The following CLYBL variants were observed in gnomAD, a reference collection of about 807,000 sequenced individuals.
The protein encoded by CLYBL is citramalyl-CoA lyase.
CLYBL carries 31 observed loss-of-function variants against 38.9 expected under a neutral mutation model. That is an observed-to-expected ratio of 0.80 (90% CI 0.60 to 1.08). The LOEUF is 1.08. CLYBL is among the 50% of genes least tolerant of loss of function. The probability of loss-of-function intolerance (pLI) is 0.00; values close to 1 mark genes in which losing one functional copy is unlikely to be tolerated. For synonymous variants in CLYBL, 171 were observed against 158.6 expected (o/e 1.08, Z -0.59); for missense variants, 434 against 411.6 (o/e 1.05, Z -0.47).
At chr13:99,802,331 G>A (rs2050152657) in intron 2 of CLYBL, among the ~76,000 whole-genome samples, 1 of 152,156 alleles carries the variant, frequency 6.6e-6, no homozygotes, top group African/African-American at 2.4e-5. Context: ...TTAGTCCATA[G>A]CAATCTTAAA....
intron 1 of CLYBL, among the ~76,000 whole-genome samples, chr13:99,754,185 G>A (rs1427081925): frequency 1.3e-5 from 2 of 150,764 alleles, no homozygotes; most frequent in Admixed American, 6.6e-5. Context: ...CAAAGTGGGC[G>A]GATCGTTTGA....
At chr13:99,673,977 GT>G (rs1271117941) in intron 1 of CLYBL, among the ~76,000 whole-genome samples, 1 of 151,980 alleles carries the variant, frequency 6.6e-6, no homozygotes, top group East Asian at 1.9e-4. Context: ...GACTGTCAAG[GT>G]TTTTGGTTTG....
chr13:99,630,022 C>T (rs1318043097), intron 1 of CLYBL, among the ~76,000 whole-genome samples: 4 of 152,026 alleles, frequency 2.6e-5, no homozygotes, highest in African/African-American at 9.7e-5. Context: ...CCTGCCCCAC[C>T]ATATCTGAGA....
At chr13:99,743,562 A>G (rs886789443) in intron 1 of CLYBL, among the ~76,000 whole-genome samples, 4 of 152,222 alleles carry the variant, frequency 2.6e-5, no homozygotes, top group Non-Finnish European at 5.9e-5. Context: ...TGTAGGCGCC[A>G]TAACTGGGAT....
chr13:99,816,358 T>A (rs551518320), intron 2 of CLYBL, among the ~76,000 whole-genome samples: 3 of 152,368 alleles, frequency 2.0e-5, no homozygotes, highest in East Asian at 3.9e-4. Flanking sequence ...CTATTTAGGA[T>A]GTTTTTGCTT....
rs551841322 is a variant in CLYBL, at chr13:99,639,041, T to G, written c.62+32284T>G. The stretch of plus-strand genomic sequence containing the variant: ...TGCTTTTTCACTTGAGGCTGAATTT[T>G]AGGTCTGAGTCAACTGCATTTTGAA... On this transcript the variant is annotated intron_variant, in intron 1 of 8. Transcript: ENST00000339105. 3.3e-5 allele frequency among the ~76,000 whole-genome samples: 5 copies of G among 152,354 alleles called. 1 individual carries two copies. The highest frequency in any genetic ancestry group is 1.2e-4 in the African/African-American group (5 of 41,584).
At chr13:99,885,999 G>A (rs1187211307) in intron 7 of CLYBL, among the ~76,000 whole-genome samples, 1 of 152,156 alleles carries the variant, frequency 6.6e-6, no homozygotes, top group Non-Finnish European at 1.5e-5. Flanking sequence ...GAATTCCCTG[G>A]GAACTGCTGT....
At chr13:99,752,978 G>T (rs1235118848) in intron 1 of CLYBL, among the ~76,000 whole-genome samples, 1 of 152,130 alleles carries the variant, frequency 6.6e-6, no homozygotes, top group East Asian at 1.9e-4. Context: ...AGGGAAGGGC[G>T]GGGTTCTGGA....
At chr13:99,743,500 C>T (rs1244308392) in intron 1 of CLYBL, among the ~76,000 whole-genome samples, 2 of 152,150 alleles carry the variant, frequency 1.3e-5, no homozygotes, top group African/African-American at 4.8e-5. Context: ...GTATTCTGGC[C>T]ATTCATTAGT....
chr13:99,894,428 A>G (rs899686267), downstream of CLYBL: 1 of 152,256 alleles, frequency 6.6e-6, no homozygotes, highest in African/African-American at 2.4e-5. Flanking sequence ...CCGCTTAGCC[A>G]TATCACCCCC....
intron 2 of CLYBL, among the ~76,000 whole-genome samples, chr13:99,828,237 A>G (rs2139062056): frequency 6.6e-6 from 1 of 152,330 alleles, no homozygotes; most frequent in African/African-American, 2.4e-5. Flanking sequence ...AGTTTCAGCT[A>G]AGTCAGACGG....
intron 7 of CLYBL, among the ~76,000 whole-genome samples, chr13:99,888,861 C>T (rs923971582): frequency 2.0e-5 from 3 of 152,174 alleles, no homozygotes; most frequent in African/African-American, 7.2e-5. Flanking sequence ...GACCAATAGA[C>T]TATTTTTCAT....
At chr13:99,747,278 A>C in intron 1 of CLYBL, among the ~76,000 whole-genome samples, 1 of 102,994 alleles carries the variant, frequency 9.7e-6, no homozygotes, top group African/African-American at 3.8e-5. Context: ...CTACCCTCCC[A>C]CTTTCTTATC....
At chr13:99,854,095 G>A (rs1033746737) in intron 2 of CLYBL, among the ~76,000 whole-genome samples, 1 of 152,144 alleles carries the variant, frequency 6.6e-6, no homozygotes, top group East Asian at 1.9e-4. Flanking sequence ...CATCACAAAT[G>A]TTGTGGATCT....
At position 99,622,867 on chromosome 13, in the gene CLYBL, C is replaced by T. The variant is rs115143487; in HGVS notation, c.62+16110C>T. ...CATCCAGGTTGGAGTATAGTGGCAC[C>T]GTCACCCAGGCTGGAGTGTAGTGGC... On this transcript the variant is annotated intron_variant, in intron 1 of 8. Transcript: ENST00000339105. Among the ~76,000 whole-genome samples, 933 of 152,072 alleles carry T rather than the reference C, an allele frequency of 6.1e-3. 17 individuals carry two copies. The highest frequency in any genetic ancestry group is 0.021 in the African/African-American group (879 of 41,476).
At chr13:99,899,994 T>C (rs562090080), downstream of CLYBL, among the ~76,000 whole-genome samples, 21 of 152,170 alleles carry the variant, frequency 1.4e-4, no homozygotes, top group Non-Finnish European at 2.6e-4. Flanking sequence ...TGGTGAGATA[T>C]TGGCTCACTG....
At chr13:99,696,403 G>GT (rs1491474463) in intron 1 of CLYBL, among the ~76,000 whole-genome samples, 3 of 151,668 alleles carry the variant, frequency 2.0e-5, no homozygotes, top group East Asian at 3.9e-4. Context: ...CTAATTTTTA[G>GT]TTTTTTTATA....
intron 1 of CLYBL, among the ~76,000 whole-genome samples, chr13:99,640,526 G>C (rs1056333760): frequency 2.6e-5 from 4 of 152,216 alleles, no homozygotes; most frequent in African/African-American, 9.6e-5. Flanking sequence ...CTTTTGAGTA[G>C]TTGACAGCTG....
At chr13:99,866,173 A>C in intron 5 of CLYBL, 67 bp from the exon 6 acceptor site, 1 of 1,462,718 alleles carries the variant, frequency 6.8e-7, no homozygotes, top group East Asian at 2.3e-5. Context: ...CTGAGGTTTT[A>C]TAATAAATAT....
Sources: allele counts gnomAD v4.1 joint callset (sites outside exome capture counted in the v4.1 genomes callset), GRCh38; gene constraint gnomAD v4.1.1; transcripts MANE v1.5; gene names NCBI Gene and HGNC (gene_info 2026-07-23, HGNC 2026-07-21).